Variants in FCHSD1 observed in about 807,000 individuals in gnomAD.
The protein encoded by FCHSD1 is F-BAR and double SH3 domains protein 1.
In FCHSD1, 109 loss-of-function variants were observed where a neutral mutation model predicts 101.3. The observed-to-expected ratio is 1.08, with a 90% confidence interval of 0.92 to 1.26. The LOEUF is 1.26. FCHSD1 is among the 50% of genes most tolerant of loss of function. FCHSD1 has a pLI of 0.00. For missense variants in FCHSD1, 820 were observed against 895.8 expected, an observed-to-expected ratio of 0.92 and a Z score of 1.08; for synonymous variants, 291 against 356.8, an observed-to-expected ratio of 0.82 and a Z score of 2.08.
At position 141,646,198 on chromosome 5, in the gene FCHSD1, G is replaced by A. The variant is rs1460312981; in HGVS notation, c.1045-7C>T. 3 of 1,595,270 alleles carry A rather than the reference G, an allele frequency of 1.9e-6. No individual in the cohort carries two copies. The highest frequency in any genetic ancestry group is 2.6e-6 in the Non-Finnish European group (3 of 1,171,222). On this transcript the variant is annotated splice_polypyrimidine_tract_variant and splice_region_variant and intron_variant, in intron 11 of 19. Transcript: ENST00000435817. Reference sequence around the variant, plus strand: ...GCTCCAGTCGTTGCAGTACCTGGTTGGGAAGGCAGAGAACAGGGGTGGGTG... The same window carrying A: ...GCTCCAGTCGTTGCAGTACCTGGTTAGGAAGGCAGAGAACAGGGGTGGGTG...
In FCHSD1 at chr5:141,646,211, A is replaced by C. The variant is rs1447972583; in HGVS notation, c.1045-20T>G. The C allele has an allele frequency of 6.3e-7, 1 of 1,580,272 alleles. No individual in the cohort carries two copies. The highest frequency in any genetic ancestry group is 8.6e-7 in the Non-Finnish European group (1 of 1,162,508). On this transcript the variant is annotated intron_variant, in intron 11 of 19. Transcript: ENST00000435817. ...CAGTACCTGGTTGGGAAGGCAGAGA[A>C]CAGGGGTGGGTGGAAATACTGTGGG...
rs1316214940 is a variant in FCHSD1, at chr5:141,639,570, C to T, written c.*1928G>A. On this transcript the variant is annotated 3_prime_UTR_variant, in exon 20 of 20. Transcript: ENST00000435817. This position sits in a 1 kb window ranked among gnomAD's most constrained non-coding sequence, Gnocchi z 4.4. ...CCATTGCAGCCGCAGCAAGAGGCCTCCACTTGTCCGTCAGGGACGCTCCAA... is the reference window on the plus strand; with the variant it reads ...CCATTGCAGCCGCAGCAAGAGGCCTTCACTTGTCCGTCAGGGACGCTCCAA... 1 of 1,614,092 alleles carries T rather than the reference C, an allele frequency of 6.2e-7. No homozygotes were observed. The highest frequency in any genetic ancestry group is 1.7e-5 in the Admixed American group (1 of 60,030).
chr5:141,642,663 A>G, intron 18 of FCHSD1: 2 of 548,980 alleles, frequency 3.6e-6, no homozygotes, highest in Admixed American at 3.7e-5. Flanking sequence ...TTTTAAAATA[A>G]TAACAGTGAC....
rs768614134 is a variant in FCHSD1 at position 141,645,865 on chromosome 5, C to G, written c.1217G>C (p.Trp406Ser). The G allele has an allele frequency of 6.3e-7, 1 of 1,594,296 alleles. No individual in the cohort carries two copies. Among genetic ancestry groups the G allele is most frequent in the East Asian group, 2.3e-5 (1 of 43,998 alleles). Residue 406 changes from tryptophan to serine, a missense_variant, in exon 13 of 20, where the codon TGG becomes TCG. Trp to Ser is a radical substitution (Grantham distance 177, BLOSUM62 -3). Coordinates refer to ENST00000435817, the MANE Select transcript of FCHSD1 (RefSeq NM_033449.3). ...LQGAGLDVERWLKPAMTQAQD... is the reference protein window; with the variant it reads ...LQGAGLDVERSLKPAMTQAQD... ...GGCCTGGGTCATGGCTGGCTTCAGC[C>G]AGCGCTCCACATCTAAGCCAGCCCC... is the stretch of plus-strand genomic sequence containing the variant.
At position 141,647,116 on chromosome 5, in the gene FCHSD1, A is replaced by G; in HGVS notation, c.924+19T>C. The G allele has an allele frequency of 1.3e-6, 2 of 1,584,828 alleles. No homozygotes were observed. Among genetic ancestry groups the G allele is most frequent in the African/African-American group, 1.3e-5 (1 of 74,292 alleles). ...CGCCTTTATATGTGGCCTGGTTCCA[A>G]CAAGCAGGAAGATCTCACCTGATCA... On this transcript the variant is annotated intron_variant, in intron 10 of 19. Coordinates refer to ENST00000435817, the MANE Select transcript of FCHSD1 (RefSeq NM_033449.3).
intron 17 of FCHSD1, among the ~76,000 whole-genome samples, chr5:141,643,476 A>G (rs1381630175): frequency 6.6e-6 from 1 of 152,212 alleles, no homozygotes; most frequent in African/African-American, 2.4e-5. Context: ...GCCCACTCCT[A>G]TTCTCTTTCT....
At chr5:141,643,605 A>G (rs2099907263) in intron 17 of FCHSD1, among the ~76,000 whole-genome samples, 1 of 152,180 alleles carries the variant, frequency 6.6e-6, no homozygotes, top group Non-Finnish European at 1.5e-5. Flanking sequence ...ATCCCAGCAC[A>G]TTGGGAGGCC....
Position 141,645,134 on chromosome 5 carries a change from C to T in FCHSD1, c.1326G>A (p.Glu442=), listed in dbSNP as rs971791516. 1 of 1,552,812 alleles carries T rather than the reference C, an allele frequency of 6.4e-7. No individual in the cohort carries two copies. The highest frequency in any genetic ancestry group is 1.4e-5 in the African/African-American group (1 of 73,144). Residue 442 remains glutamate (E), a synonymous_variant, in exon 14 of 20, where the codon GAG becomes GAA. Transcript: ENST00000435817. Reference sequence around the variant, plus strand: ...CCTCACATTCCTCAAAGTCAGAAAGCTCAGCATCCTCAGCCTAGAGGGGCA... The same window carrying T: ...CCTCACATTCCTCAAAGTCAGAAAGTTCAGCATCCTCAGCCTAGAGGGGCA... ...RDLSPTAEDA[E]LSDFEECEET... is the part of the protein sequence containing the mutation.
At position 141,649,140 on chromosome 5, in the gene FCHSD1, AC is replaced by A. The variant is rs769168850; in HGVS notation, c.512+31del. ...GACAGCCCCACCTCCCTGTTCCCCA[AC>A]CTTGGGCTTCCTCACTCTCCATGAC... On this transcript the variant is annotated intron_variant, in intron 6 of 19. Transcript: ENST00000435817. The surrounding 1 kb of genome is among the most constrained non-coding windows in gnomAD (Gnocchi z 4.1). 2.5e-6 allele frequency: 4 copies of A among 1,613,562 alleles called. No homozygotes were observed. The Admixed American group carries it at 5.0e-5, about 20-fold the overall frequency.
At chr5:141,647,375 C>CT (rs2099907788) in intron 9 of FCHSD1, 23 bp downstream of exon 9, 1 of 1,583,116 alleles carries the variant, frequency 6.3e-7, no homozygotes, top group Admixed American at 1.8e-5. Context: ...CCCGGGGAAG[C>CT]TCTTAGAGGC....
chr5:141,646,216 G>A (rs979292326), intron 11 of FCHSD1, 25 bp from the exon 12 acceptor site: 21 of 1,570,524 alleles, frequency 1.3e-5, no homozygotes, highest in Non-Finnish European at 1.7e-5. Flanking sequence ...AGAGAACAGG[G>A]GTGGGTGGAA....
rs139146106 is a variant in FCHSD1, at chr5:141,640,038, G to T, written c.*1460C>A. On this transcript the variant is annotated 3_prime_UTR_variant, in exon 20 of 20. Transcript: ENST00000435817. ...GGACCCAGGGGGTGGTCAGGGGTCTGGGGGAGGGCAGCCCAAGGCAGGGAT... is the reference window on the plus strand; with the variant it reads ...GGACCCAGGGGGTGGTCAGGGGTCTTGGGGAGGGCAGCCCAAGGCAGGGAT... The T allele has an allele frequency of 1.9e-6, 3 of 1,613,420 alleles. No individual in the cohort carries two copies. Among genetic ancestry groups the T allele is most frequent in the Non-Finnish European group, 2.5e-6 (3 of 1,179,716 alleles).
chr5:141,645,223 T>C, intron 13 of FCHSD1, 75 bp from the exon 14 acceptor site: 1 of 1,508,222 alleles, frequency 6.6e-7, no homozygotes, highest in South Asian at 1.4e-5. Flanking sequence ...CTTCCATCTT[T>C]CCTCTAAAGG....
Position 141,649,107 on chromosome 5 carries a change from C to T in FCHSD1, c.512+65G>A. ...AGGCCCAGCTTTGGTGACTTGGCTC[C>T]ACCCCTAGACAGCCCCACCTCCCTG... On this transcript the variant is annotated intron_variant, in intron 6 of 19. Transcript: ENST00000435817. This position sits in a 1 kb window ranked among gnomAD's most constrained non-coding sequence, Gnocchi z 4.1. 1 of 1,613,624 alleles carries T rather than the reference C, an allele frequency of 6.2e-7. No homozygotes were observed. The highest frequency in any genetic ancestry group is 8.5e-7 in the Non-Finnish European group (1 of 1,179,592).
At chr5:141,647,301 G>T in intron 9 of FCHSD1, 71 bp from the exon 10 acceptor site, 1 of 1,559,098 alleles carries the variant, frequency 6.4e-7, no homozygotes, top group East Asian at 2.3e-5. Context: ...AGCACTTCTT[G>T]GAAGAAAAAG....
In FCHSD1 at chr5:141,643,161, C is replaced by G. The variant is rs559845471; in HGVS notation, c.1864-73G>C. Reference sequence around the variant, plus strand: ...TTACCAGCTTTTCCTCTCATCCCATCTCCAGTTCCTTCCTCATCACTTCTC... The same window carrying G: ...TTACCAGCTTTTCCTCTCATCCCATGTCCAGTTCCTTCCTCATCACTTCTC... On this transcript the variant is annotated intron_variant, in intron 17 of 19. Transcript: ENST00000435817. The G allele has an allele frequency of 8.7e-5, 105 of 1,210,798 alleles. 1 individual carries two copies. The South Asian group carries it at 1.7e-3, about 20-fold the overall frequency. 75.0% of individuals were successfully genotyped at this position (1,210,798 alleles called of 1,614,324 possible). A position where few individuals can be genotyped will look rare whatever the true frequency, so the allele number is the denominator to read the frequency against.
Position 141,648,088 on chromosome 5 carries a change from G to A in FCHSD1, c.585C>T (p.Ala195=), listed in dbSNP as rs766309175. 1.2e-6 allele frequency: 2 copies of A among 1,611,588 alleles called. No individual in the cohort carries two copies. Among genetic ancestry groups the A allele is most frequent in the South Asian group, 1.1e-5 (1 of 90,938 alleles). The change falls in exon 8 of 20, where the codon GCC becomes GCT. Residue 195 remains alanine, a synonymous_variant. Transcript: ENST00000435817. Reference sequence around the variant, plus strand: ...GCTGCTGGGAGTACTGGGCTGACTGGGCGGACAGCTAGGAGGGTAAACTGA... The same window carrying A: ...GCTGCTGGGAGTACTGGGCTGACTGAGCGGACAGCTAGGAGGGTAAACTGA... ...SLQKLSTKLS[A]QSAQYSQQLQ... is the part of the protein sequence containing the mutation.
rs756602837 is a variant in FCHSD1 at position 141,644,362 on chromosome 5, G to T, written c.1719C>A (p.Ile573=). The change falls in exon 17 of 20, where the codon ATC becomes ATA. Residue 573 remains isoleucine, a synonymous_variant. Transcript: ENST00000435817. ...CATCTTGGGCCCGGGGCAGCAGACG[G>T]ATGAGTGCCCCCTCAGGGAAGCTCA... ...EELSFPEGAL[I]RLLPRAQDGV... 10 of 1,613,996 alleles carry T rather than the reference G, an allele frequency of 6.2e-6. No individual in the cohort carries two copies. Among genetic ancestry groups the T allele is most frequent in the African/African-American group, 1.3e-5 (1 of 75,058 alleles).
At position 141,646,510 on chromosome 5, in the gene FCHSD1, C is replaced by G. The variant is rs150855436; in HGVS notation, c.1044+93G>C. 5,471 of 1,501,302 alleles carry G rather than the reference C, an allele frequency of 3.6e-3. 22 individuals carry two copies. The highest frequency in any genetic ancestry group is 4.6e-3 in the South Asian group (354 of 77,578). 93.0% of individuals were successfully genotyped at this position (1,501,302 alleles called of 1,614,324 possible). A position where few individuals can be genotyped will look rare whatever the true frequency, so the allele number is the denominator to read the frequency against. ...ATACCTTTCCCTCCCCTCTGTAGCT[C>G]CATGACACCCTCAATGGCTCCAAGA... On this transcript the variant is annotated intron_variant, in intron 11 of 19. Transcript: ENST00000435817.
Sources: allele counts gnomAD v4.1 joint callset (sites outside exome capture counted in the v4.1 genomes callset), GRCh38; gene constraint gnomAD v4.1.1; non-coding constraint Gnocchi (gnomAD v3.1); transcripts MANE v1.5; gene names NCBI Gene and HGNC (gene_info 2026-07-23, HGNC 2026-07-21).